RNF212: variants seen among roughly 807,000 people sequenced by gnomAD.
RNF212 encodes the protein probable E3 SUMO-protein ligase RNF212.
RNF212 carries 33 observed loss-of-function variants against 34.7 expected under a neutral mutation model. The ratio of observed to expected loss-of-function variants is 0.95; its 90% CI spans 0.72 to 1.27. The LOEUF is 1.27. RNF212 is among the 50% of genes most tolerant of loss of function. The pLI is 0.00. For synonymous variants in RNF212, 140 were observed against 136.1 expected (o/e 1.03, Z -0.20); for missense variants, 377 against 362.2 (o/e 1.04, Z -0.33).
chr4:1,108,198 C>T (rs1725115362), intron 2 of RNF212, 145 bp downstream of exon 2: 1 of 531,982 alleles, frequency 1.9e-6, no homozygotes, highest in South Asian at 3.1e-5. Context: ...TAAATCCTAA[C>T]TGCATTTTGA....
intron 8 of RNF212, among the ~76,000 whole-genome samples, chr4:1,078,542 T>G (rs1256830893): frequency 6.6e-6 from 1 of 152,194 alleles, no homozygotes; most frequent in Non-Finnish European, 1.5e-5. Context: ...TTTCCCAGAG[T>G]CCTTGGCTTT....
At chr4:1,090,413 C>T (rs1317780168) in intron 4 of RNF212, among the ~76,000 whole-genome samples, 2 of 152,188 alleles carry the variant, frequency 1.3e-5, no homozygotes, top group East Asian at 3.8e-4. Flanking sequence ...GACTACATAA[C>T]CTTCAAAGTT....
intron 3 of RNF212, chr4:1,093,458 C>G: frequency 1.4e-6 from 2 of 1,441,646 alleles, no homozygotes; most frequent in Non-Finnish European, 1.8e-6. Context: ...TGCGGGAAAA[C>G]TCCACCCTGC....
At position 1,085,139 on chromosome 4, in the gene RNF212, G is replaced by A. The variant is rs535689175; in HGVS notation, c.362+757C>T. Among the ~76,000 whole-genome samples, 174 of 152,334 alleles carry A rather than the reference G, an allele frequency of 1.1e-3. 2 individuals carry two copies. The highest frequency in any genetic ancestry group is 4.0e-3 in the African/African-American group (168 of 41,588). On this transcript the variant is annotated intron_variant, in intron 5 of 9. Coordinates refer to ENST00000433731, the MANE Select transcript of RNF212 (RefSeq NM_001131034.4). ...TCCATGTTAGTAGCAGCCAGCAAAC[G>A]GGGGCTTGTGACTATTCAACGCGTC...
chr4:1,056,807 A>G (rs374626919), intron 4 of RNF212: 1 of 984,616 alleles, frequency 1.0e-6, no homozygotes, highest in African/African-American at 1.7e-5. Flanking sequence ...TCCCAAGAGC[A>G]TTTTCTTCCT....
intron 5 of RNF212, chr4:1,085,657 G>A (rs562370189): frequency 1.6e-5 from 9 of 564,176 alleles, no homozygotes; most frequent in Non-Finnish European, 2.5e-5. Flanking sequence ...AGCAATCACT[G>A]GGGCACCTGC....
chr4:1,107,978 A>C (rs975863524), intron 2 of RNF212, among the ~76,000 whole-genome samples: 1 of 152,234 alleles, frequency 6.6e-6, no homozygotes, highest in African/African-American at 2.4e-5. Context: ...TGCAGCAGTA[A>C]TTGATTTTAA....
intron 2 of RNF212, among the ~76,000 whole-genome samples, chr4:1,099,234 C>T (rs544513148): frequency 1.3e-5 from 2 of 152,190 alleles, no homozygotes; most frequent in African/African-American, 4.8e-5. Flanking sequence ...ACAAAGAATT[C>T]TGAAGTCTGT....
chr4:1,073,645 G>T lies in RNF212; in HGVS notation c.528C>A (p.Gly176=). 1 of 1,611,764 alleles carries T rather than the reference G, an allele frequency of 6.2e-7. No homozygotes were observed. Among genetic ancestry groups the T allele is most frequent in the Non-Finnish European group, 8.5e-7 (1 of 1,178,324 alleles). ...GACTAATCATGGAGATTCTCGCAGG[G>T]CCGGCTGCTATCTCAGACTAAGAAT... ...SPIRKSEIAA[G]PARISMISPP... is the part of the protein sequence containing the mutation. The change falls in exon 9 of 10, where the codon GGC becomes GGA. Residue 176 remains glycine (G), a synonymous_variant. Transcript: ENST00000433731.
intron 4 of RNF212, among the ~76,000 whole-genome samples, chr4:1,086,300 C>G (rs1258834929): frequency 6.6e-6 from 1 of 152,024 alleles, no homozygotes; most frequent in Non-Finnish European, 1.5e-5. Flanking sequence ...GCCAGCTCAT[C>G]CCACGGCACA....
downstream of RNF212, among the ~76,000 whole-genome samples, chr4:1,070,947 T>A (rs556931612): frequency 1.1e-4 from 16 of 152,096 alleles, no homozygotes; most frequent in South Asian, 6.2e-4. Flanking sequence ...TAAATTATTT[T>A]AAAAAACTAA....
intron 3 of RNF212, among the ~76,000 whole-genome samples, chr4:1,092,884 G>T (rs1047736177): frequency 2.6e-5 from 4 of 152,234 alleles, no homozygotes; most frequent in Non-Finnish European, 5.9e-5. Flanking sequence ...AGAGGCGGCT[G>T]CCTGGTCCGG....
chr4:1,061,185 A>G (rs1717726434), intron 3 of RNF212, among the ~76,000 whole-genome samples: 1 of 152,084 alleles, frequency 6.6e-6, no homozygotes, highest in South Asian at 2.1e-4. Flanking sequence ...ATACCAGCAA[A>G]CCAAATCCAG....
At position 1,109,199 on chromosome 4, in the gene RNF212, G is replaced by A. The variant is rs370871425; in HGVS notation, c.110-795C>T. ...ATTTTTGTATTTTTAGTAGAGACAG[G>A]GTTTTGCCATGTTGGCCAGGCTGGT... On this transcript the variant is annotated intron_variant, in intron 1 of 9. Coordinates refer to ENST00000433731, the MANE Select transcript of RNF212 (RefSeq NM_001131034.4). Among the ~76,000 whole-genome samples the A allele has an allele frequency of 9.4e-4, 143 of 152,132 alleles. 3 individuals are homozygous for A. In the South Asian group the frequency reaches 0.028, roughly 30 times the overall value.
At chr4:1,080,904 C>T (rs1720230311) in intron 7 of RNF212, among the ~76,000 whole-genome samples, 1 of 152,264 alleles carries the variant, frequency 6.6e-6, no homozygotes, top group South Asian at 2.1e-4. Context: ...GTTGGGCTCC[C>T]TGTGCCAGAG....
intron 2 of RNF212, among the ~76,000 whole-genome samples, chr4:1,103,255 A>C (rs1724309375): frequency 6.6e-6 from 1 of 152,246 alleles, no homozygotes; most frequent in African/African-American, 2.4e-5. Context: ...TCCCTAGTTT[A>C]AAATCTTTGC....
intron 3 of RNF212, among the ~76,000 whole-genome samples, chr4:1,065,724 C>G (rs12644767): frequency 4.0e-5 from 6 of 151,840 alleles, no homozygotes; most frequent in African/African-American, 1.4e-4. Context: ...GTAGCTGGGA[C>G]TACAGGTGTG....
downstream of RNF212, chr4:1,071,352 T>C (rs549008400): frequency 1.3e-5 from 2 of 152,134 alleles, no homozygotes; most frequent in Non-Finnish European, 2.9e-5. Context: ...AAAAAACTCA[T>C]CTTACAACAT....
At chr4:1,079,563 T>A (rs1373965147) in intron 8 of RNF212, 80 bp downstream of exon 8, 2 of 966,892 alleles carry the variant, frequency 2.1e-6, no homozygotes, top group African/African-American at 3.2e-5. Context: ...CACGAGAGGT[T>A]ACGTTTTTCA....
Sources: gnomAD v4.1 joint callset for allele counts (sites outside exome capture counted in the v4.1 genomes callset) on GRCh38, gnomAD v4.1.1 for gene constraint, MANE v1.5 for transcripts, NCBI Gene and HGNC (gene_info 2026-07-23, HGNC 2026-07-21) for gene names.